The following SLC35F2 variants were observed in gnomAD, a reference collection of about 807,000 sequenced individuals.
SLC35F2 encodes the protein solute carrier family 35 member F2.
A neutral mutation model predicts 38.1 loss-of-function variants in SLC35F2; 25 were observed. The ratio of observed to expected loss-of-function variants is 0.66; its 90% CI spans 0.48 to 0.92. The LOEUF is 0.92. Ranked by LOEUF, SLC35F2 falls within the 40% of genes least tolerant of loss-of-function variation. The pLI is 0.00. For missense variants in SLC35F2, 409 were observed against 452.9 expected (o/e 0.90, Z 0.88); for synonymous variants, 173 against 181.7 (o/e 0.95, Z 0.38).
chr11:107,849,771 A>C (rs891547215), intron 1 of SLC35F2, among the ~76,000 whole-genome samples: 10 of 152,280 alleles, frequency 6.6e-5, no homozygotes, highest in African/African-American at 2.4e-4. Flanking sequence ...AGAAGCAAAC[A>C]AAAGAAGGAA....
chr11:107,842,136 G>A (rs1181619847), intron 1 of SLC35F2, among the ~76,000 whole-genome samples: 1 of 150,500 alleles, frequency 6.6e-6, no homozygotes, highest in African/African-American at 2.4e-5. Context: ...GCGTGGTGGT[G>A]TGCCTATAAC....
intron 1 of SLC35F2, among the ~76,000 whole-genome samples, chr11:107,836,400 T>G (rs1859932849): frequency 6.6e-6 from 1 of 152,070 alleles, no homozygotes; most frequent in South Asian, 2.1e-4. Flanking sequence ...GGAAGAATAC[T>G]GGTCCTCCAA....
intron 1 of SLC35F2, among the ~76,000 whole-genome samples, chr11:107,852,566 A>T (rs960145486): frequency 6.7e-6 from 1 of 148,440 alleles, no homozygotes; most frequent in Non-Finnish European, 1.5e-5. Flanking sequence ...AAAAAAAAAA[A>T]TACAAAATAC....
chr11:107,842,052 C>T (rs1033753456), intron 1 of SLC35F2, among the ~76,000 whole-genome samples: 9 of 147,946 alleles, frequency 6.1e-5, no homozygotes, highest in African/African-American at 2.2e-4. Flanking sequence ...GGTGAAAGAA[C>T]AAGACTTCGT....
At chr11:107,819,569 C>T (rs888563802) in intron 1 of SLC35F2, among the ~76,000 whole-genome samples, 1 of 152,170 alleles carries the variant, frequency 6.6e-6, no homozygotes, top group Non-Finnish European at 1.5e-5. Context: ...TGATTCGGGT[C>T]TGAGGCTGCC....
intron 1 of SLC35F2, among the ~76,000 whole-genome samples, chr11:107,851,262 C>CAA (rs1282616961): frequency 8.5e-6 from 1 of 117,810 alleles, no homozygotes. Context: ...GATGCTGTCT[C>CAA]AAAAAAAAAA....
At chr11:107,792,904 A>ATT (rs869202370) in intron 7 of SLC35F2, 104 bp from the exon 8 acceptor site, 11 of 1,323,266 alleles carry the variant, frequency 8.3e-6, no homozygotes, top group Non-Finnish European at 1.1e-5. Context: ...TAATCTTTTT[A>ATT]TTTTCTTTCT....
chr11:107,836,200 T>C (rs570582296), intron 1 of SLC35F2, among the ~76,000 whole-genome samples: 1 of 148,970 alleles, frequency 6.7e-6, no homozygotes, highest in Non-Finnish European at 1.5e-5. Flanking sequence ...TTCCTTGACA[T>C]TTTATGAATT....
chr11:107,807,603 C>A (rs145409310), intron 3 of SLC35F2, among the ~76,000 whole-genome samples: 6 of 150,204 alleles, frequency 4.0e-5, no homozygotes, highest in Admixed American at 6.6e-5. Flanking sequence ...GATGGAGTCT[C>A]GCTCTGTTGC....
At chr11:107,835,362 G>A (rs867083203) in intron 1 of SLC35F2, among the ~76,000 whole-genome samples, 8 of 151,990 alleles carry the variant, frequency 5.3e-5, no homozygotes, top group Non-Finnish European at 1.0e-4. Flanking sequence ...ACTGGAATGT[G>A]TGCGAATTTC....
At chr11:107,855,311 G>T (rs763524580) in intron 1 of SLC35F2, among the ~76,000 whole-genome samples, 1 of 152,066 alleles carries the variant, frequency 6.6e-6, no homozygotes, top group Non-Finnish European at 1.5e-5. Context: ...ATGTGCTAAG[G>T]GTTGTGGTAG....
chr11:107,815,227 T>C (rs1565432157), intron 2 of SLC35F2, among the ~76,000 whole-genome samples: 1 of 149,362 alleles, frequency 6.7e-6, no homozygotes, highest in East Asian at 2.0e-4. Flanking sequence ...TTTTTAAAAT[T>C]GGGGGGGAAA....
At chr11:107,849,444 G>A (rs1190579897) in intron 1 of SLC35F2, among the ~76,000 whole-genome samples, 1 of 152,004 alleles carries the variant, frequency 6.6e-6, no homozygotes, top group Non-Finnish European at 1.5e-5. Flanking sequence ...TTTGAGACCA[G>A]CCTGGCCAAC....
intron 1 of SLC35F2, among the ~76,000 whole-genome samples, chr11:107,835,420 T>C (rs1859915362): frequency 6.9e-6 from 1 of 145,112 alleles, no homozygotes; most frequent in Non-Finnish European, 1.5e-5. Flanking sequence ...GCAGCTTCAA[T>C]AGCCCACAGT....
intron 1 of SLC35F2, among the ~76,000 whole-genome samples, chr11:107,835,939 T>A (rs1430453064): frequency 6.6e-6 from 1 of 152,164 alleles, no homozygotes; most frequent in Non-Finnish European, 1.5e-5. Context: ...GCCTTATTCA[T>A]AAGGTCTTGA....
chr11:107,856,105 CAAA>C (rs1229189240), intron 1 of SLC35F2, among the ~76,000 whole-genome samples: 3 of 95,674 alleles, frequency 3.1e-5, no homozygotes, highest in Non-Finnish European at 2.2e-5. Context: ...AACTCTGTCT[CAAA>C]AAAAAAAAAA....
intron 1 of SLC35F2, among the ~76,000 whole-genome samples, chr11:107,840,901 G>T (rs1029168986): frequency 6.6e-6 from 1 of 152,106 alleles, no homozygotes; most frequent in Non-Finnish European, 1.5e-5. Context: ...TAGAAAGCTC[G>T]TGGAGACCTG....
chr11:107,858,198 C>G (rs1860326509), intron 1 of SLC35F2, among the ~76,000 whole-genome samples: 1 of 152,216 alleles, frequency 6.6e-6, no homozygotes, highest in Admixed American at 6.5e-5. Context: ...ACCAGGATTT[C>G]TCACTTCGGT....
At chr11:107,798,676 T>C (rs1411991432) in intron 7 of SLC35F2, among the ~76,000 whole-genome samples, 1 of 152,190 alleles carries the variant, frequency 6.6e-6, no homozygotes, top group Non-Finnish European at 1.5e-5. Flanking sequence ...CGTAAAAAAT[T>C]CTGAGCCTCT....
Sources: gnomAD v4.1 joint callset for allele counts (sites outside exome capture counted in the v4.1 genomes callset) on GRCh38, gnomAD v4.1.1 for gene constraint, MANE v1.5 for transcripts, NCBI Gene and HGNC (gene_info 2026-07-23, HGNC 2026-07-21) for gene names.